Variants in RAB3C observed in about 807,000 individuals in gnomAD.
The protein encoded by RAB3C is ras-related protein Rab-3C.
RAB3C carries 17 observed loss-of-function variants against 26.4 expected under a neutral mutation model. The ratio of observed to expected loss-of-function variants is 0.64; its 90% CI spans 0.44 to 0.97. RAB3C has a LOEUF of 0.97. Ranked by LOEUF, RAB3C falls within the 50% of genes least tolerant of loss-of-function variation. The pLI is 0.00. For synonymous variants in RAB3C, 91 were observed against 95.9 expected, an observed-to-expected ratio of 0.95 and a Z score of 0.30; for missense variants, 242 against 281.9, an observed-to-expected ratio of 0.86 and a Z score of 1.01.
At chr5:58,611,047 G>A (rs930381022) in intron 1 of RAB3C, among the ~76,000 whole-genome samples, 2 of 152,048 alleles carry the variant, frequency 1.3e-5, no homozygotes, top group African/African-American at 4.8e-5. Context: ...AAGAATAATG[G>A]CCTCCAGCTC....
At chr5:58,707,724 G>A (rs1748972925) in intron 2 of RAB3C, among the ~76,000 whole-genome samples, 1 of 152,158 alleles carries the variant, frequency 6.6e-6, no homozygotes, top group African/African-American at 2.4e-5. Context: ...TCTACTAAGG[G>A]AGAACTTCTG....
At position 58,794,798 on chromosome 5, in the gene RAB3C, A is replaced by T. The variant is rs149298339; in HGVS notation, c.372-30240A>T. Among the ~76,000 whole-genome samples, 376 of 152,238 alleles carry T rather than the reference A, an allele frequency of 2.5e-3. 2 individuals carry two copies. The highest frequency in any genetic ancestry group is 4.6e-3 in the Non-Finnish European group (311 of 68,010). On this transcript the variant is annotated intron_variant, in intron 3 of 4. Transcript: ENST00000282878. ...CTTTCTCAAATGATTCAGCTAATGTATTTCTTGTATTTTGATGTATGGATG... is the reference window on the plus strand; with the variant it reads ...CTTTCTCAAATGATTCAGCTAATGTTTTTCTTGTATTTTGATGTATGGATG...
intron 2 of RAB3C, among the ~76,000 whole-genome samples, chr5:58,685,306 G>T (rs765645932): frequency 6.6e-6 from 1 of 152,126 alleles, no homozygotes; most frequent in Non-Finnish European, 1.5e-5. Flanking sequence ...CGTTCTGGAG[G>T]TTCCAGGAAG....
chr5:58,792,456 T>G (rs1245153081), intron 3 of RAB3C, among the ~76,000 whole-genome samples: 1 of 151,818 alleles, frequency 6.6e-6, no homozygotes. Flanking sequence ...AGCAAGAAAT[T>G]TTACAAAGGA....
At chr5:58,606,988 A>C (rs114051862) in intron 1 of RAB3C, among the ~76,000 whole-genome samples, 3,800 of 152,242 alleles carry the variant, frequency 0.025, 167 homozygotes, top group African/African-American at 0.085. Context: ...AAATTCCAAA[A>C]ACCAGCGCGC....
At chr5:58,787,372 CAAG>C (rs1191516861) in intron 3 of RAB3C, among the ~76,000 whole-genome samples, 4 of 152,130 alleles carry the variant, frequency 2.6e-5, no homozygotes, top group Non-Finnish European at 5.9e-5. Flanking sequence ...GATTGAGACT[CAAG>C]AAATCTCTTG....
chr5:58,705,897 G>T (rs1748934296), intron 2 of RAB3C, among the ~76,000 whole-genome samples: 2 of 152,126 alleles, frequency 1.3e-5, no homozygotes, highest in African/African-American at 4.8e-5. Flanking sequence ...GGGAGATAAG[G>T]CTGCACTTGA....
chr5:58,789,043 G>A (rs1453738863), intron 3 of RAB3C, among the ~76,000 whole-genome samples: 8 of 152,096 alleles, frequency 5.3e-5, no homozygotes, highest in East Asian at 1.9e-4. Flanking sequence ...GGGTGCATGC[G>A]TGCATGCAGC....
intron 4 of RAB3C, among the ~76,000 whole-genome samples, chr5:58,846,105 C>T (rs73090907): frequency 0.05 from 7,673 of 152,126 alleles, 642 homozygotes; most frequent in African/African-American, 0.17. Context: ...CATGTTATAA[C>T]GTGTGAAAAT....
chr5:58,751,046 G>GT (rs1741512542), intron 3 of RAB3C, among the ~76,000 whole-genome samples: 1 of 152,078 alleles, frequency 6.6e-6, no homozygotes, highest in Non-Finnish European at 1.5e-5. Flanking sequence ...TGGAGACGGA[G>GT]TTTCACCACG....
chr5:58,712,655 G>T (rs1180002062), intron 2 of RAB3C, among the ~76,000 whole-genome samples: 2 of 152,098 alleles, frequency 1.3e-5, no homozygotes, highest in African/African-American at 4.8e-5. Flanking sequence ...CTCCCAAGTA[G>T]CTGGGATTAC....
intron 3 of RAB3C, among the ~76,000 whole-genome samples, chr5:58,816,634 C>T (rs1240944069): frequency 6.6e-6 from 1 of 152,084 alleles, no homozygotes; most frequent in Non-Finnish European, 1.5e-5. Context: ...TTGTAATTTG[C>T]GTTTTACTTA....
chr5:58,795,482 T>C (rs1742623862), intron 3 of RAB3C, among the ~76,000 whole-genome samples: 1 of 152,194 alleles, frequency 6.6e-6, no homozygotes, highest in Non-Finnish European at 1.5e-5. Context: ...CTACCCATCC[T>C]GGCCTGCTGT....
chr5:58,818,934 G>A (rs971955367), intron 3 of RAB3C, among the ~76,000 whole-genome samples: 1 of 152,130 alleles, frequency 6.6e-6, no homozygotes, highest in African/African-American at 2.4e-5. Flanking sequence ...ATAAGGGGAA[G>A]GTCATTTACT....
intron 2 of RAB3C, among the ~76,000 whole-genome samples, chr5:58,721,693 A>G (rs1327884534): frequency 2.0e-5 from 3 of 151,860 alleles, no homozygotes; most frequent in Non-Finnish European, 4.4e-5. Context: ...ATTGTTTTCA[A>G]AGCCAAAACA....
At chr5:58,625,020 T>C (rs1747022843) in intron 2 of RAB3C, among the ~76,000 whole-genome samples, 1 of 152,202 alleles carries the variant, frequency 6.6e-6, no homozygotes. Flanking sequence ...GTCTTTAGTT[T>C]ACAAATGAGT....
At chr5:58,628,388 A>G (rs2111743232) in intron 2 of RAB3C, among the ~76,000 whole-genome samples, 1 of 152,288 alleles carries the variant, frequency 6.6e-6, no homozygotes, top group South Asian at 2.1e-4. Context: ...CAGAGCTAGC[A>G]TCAGAGAGTC....
At chr5:58,761,599 C>T (rs1333899803) in intron 3 of RAB3C, among the ~76,000 whole-genome samples, 2 of 152,038 alleles carry the variant, frequency 1.3e-5, no homozygotes, top group Non-Finnish European at 2.9e-5. Context: ...CTTTTTATGT[C>T]CTCCTGGAAA....
intron 1 of RAB3C, among the ~76,000 whole-genome samples, chr5:58,585,487 C>G (rs1243279796): frequency 6.6e-6 from 1 of 151,804 alleles, no homozygotes; most frequent in African/African-American, 2.4e-5. Context: ...GACTCACAAG[C>G]AAAACCTCAT....
Sources: gnomAD v4.1 joint callset for allele counts (sites outside exome capture counted in the v4.1 genomes callset) on GRCh38, gnomAD v4.1.1 for gene constraint, MANE v1.5 for transcripts, NCBI Gene and HGNC (gene_info 2026-07-23, HGNC 2026-07-21) for gene names.